PDCD1LG2: variants seen among roughly 807,000 people sequenced by gnomAD.
The protein encoded by PDCD1LG2 is programmed cell death 1 ligand 2, also known as B7 dendritic cell molecule.
In PDCD1LG2, 32 loss-of-function variants were observed where a neutral mutation model predicts 28.2. The observed-to-expected ratio is 1.13, with a 90% CI of 0.86 to 1.52. The LOEUF (loss-of-function observed/expected upper bound fraction) is 1.52. Ranked by LOEUF, PDCD1LG2 falls within the 40% of genes most tolerant of loss-of-function variation. PDCD1LG2 has a pLI of 0.00. For synonymous variants in PDCD1LG2, 116 were observed against 120.2 expected (o/e 0.97, Z 0.23); for missense variants, 385 against 323.8 (o/e 1.19, Z -1.45).
intron 2 of PDCD1LG2, among the ~76,000 whole-genome samples, chr9:5,526,016 T>C (rs564750451): frequency 1.6e-4 from 22 of 141,808 alleles, no homozygotes; most frequent in South Asian, 1.3e-3. Context: ...CACTGCACTC[T>C]AGCCTGGGCG....
At chr9:5,559,731 G>A (rs965362263) in intron 5 of PDCD1LG2, among the ~76,000 whole-genome samples, 11 of 152,208 alleles carry the variant, frequency 7.2e-5, no homozygotes, top group Non-Finnish European at 1.5e-4. Context: ...TGCTATAATA[G>A]GCTTTTAAAA....
chr9:5,522,688 G>A (rs2129727818), intron 2 of PDCD1LG2, 87 bp downstream of exon 2: 2 of 1,174,440 alleles, frequency 1.7e-6, no homozygotes, highest in African/African-American at 3.1e-5. Context: ...TGGCCCTCAG[G>A]CTGAGGGCTT....
intron 5 of PDCD1LG2, among the ~76,000 whole-genome samples, chr9:5,561,412 A>G (rs1333359413): frequency 6.6e-6 from 1 of 152,228 alleles, no homozygotes; most frequent in African/African-American, 2.4e-5. Flanking sequence ...AGTGAGGCTC[A>G]GAAAAGTTAT....
Position 5,522,491 on chromosome 9 carries a change from A to G in PDCD1LG2, c.-14-42A>G, listed in dbSNP as rs1329962512. 1.3e-5 allele frequency: 20 copies of G among 1,504,720 alleles called. No homozygotes were observed. In the East Asian group the frequency reaches 4.3e-4, roughly 33 times the overall value. The allele number at this position is 1,504,720 out of a possible 1,614,324, so 93.2% of individuals were successfully genotyped here. A position where few individuals can be genotyped will look rare whatever the true frequency, so the allele number is the denominator to read the frequency against. On this transcript the variant is annotated intron_variant, in intron 1 of 6. Transcript: ENST00000397747. ...GTGAACAAAGAACCAAAGACCCAGC[A>G]AAGTTTCACAAGGCCCTGAGACTTT...
chr9:5,532,694 G>A (rs558149320), intron 2 of PDCD1LG2, among the ~76,000 whole-genome samples: 60 of 152,318 alleles, frequency 3.9e-4, no homozygotes, highest in African/African-American at 1.3e-3. Context: ...TACTTATACT[G>A]TGAAATCTGA....
intron 3 of PDCD1LG2, among the ~76,000 whole-genome samples, chr9:5,535,870 T>C (rs1451733235): frequency 1.3e-5 from 2 of 152,208 alleles, no homozygotes; most frequent in Non-Finnish European, 2.9e-5. Context: ...TTGTTTGTTC[T>C]AGAAAAGGTG....
chr9:5,548,877 A>C (rs1816264813), intron 3 of PDCD1LG2, among the ~76,000 whole-genome samples: 1 of 152,238 alleles, frequency 6.6e-6, no homozygotes, highest in South Asian at 2.1e-4. Flanking sequence ...TACCAAATAA[A>C]GTGAGATAGT....
intron 2 of PDCD1LG2, among the ~76,000 whole-genome samples, chr9:5,527,050 T>A (rs889525637): frequency 6.6e-6 from 1 of 152,248 alleles, no homozygotes; most frequent in Non-Finnish European, 1.5e-5. Context: ...TCCTTACTTG[T>A]ATGCTCTTTG....
In PDCD1LG2 at chr9:5,522,608, A is replaced by G. The variant is rs369819616; in HGVS notation, c.55+7A>G. The G allele has an allele frequency of 6.2e-7, 1 of 1,613,042 alleles. No individual in the cohort carries two copies. The highest frequency in any genetic ancestry group is 8.5e-7 in the Non-Finnish European group (1 of 1,179,114). On this transcript the variant is annotated splice_region_variant and intron_variant, in intron 2 of 6. Coordinates refer to ENST00000397747, the MANE Select transcript of PDCD1LG2 (RefSeq NM_025239.4). ...CAGCTTCACCAGATAGCAGGTAAGA[A>G]AGGACAAAGGGAGAGGCTTAAGAAA...
intron 6 of PDCD1LG2, among the ~76,000 whole-genome samples, chr9:5,567,410 C>G (rs948966198): frequency 2.0e-5 from 3 of 152,324 alleles, no homozygotes; most frequent in East Asian, 1.9e-4. Flanking sequence ...TTGTATCTAA[C>G]TTTATCTGTG....
intron 4 of PDCD1LG2, among the ~76,000 whole-genome samples, chr9:5,554,478 G>C (rs1816397046): frequency 6.6e-6 from 1 of 152,226 alleles, no homozygotes; most frequent in South Asian, 2.1e-4. Flanking sequence ...AAATTGAGCT[G>C]TGGACTGCTG....
chr9:5,543,719 G>C (rs1820738121), intron 3 of PDCD1LG2, among the ~76,000 whole-genome samples: 1 of 152,078 alleles, frequency 6.6e-6, no homozygotes, highest in Admixed American at 6.5e-5. Context: ...TTTTCCCTTG[G>C]GGAAACAGAA....
rs184426180 is a variant in PDCD1LG2, at chr9:5,570,940, A to C, written c.*981A>C. ...CACTATGGAAATCCTGCAAGATCCC[A>C]CTACATATGTGTGGAGCAGAAGGGT... On this transcript the variant is annotated 3_prime_UTR_variant, in exon 7 of 7. Coordinates refer to ENST00000397747, the MANE Select transcript of PDCD1LG2 (RefSeq NM_025239.4). The C allele has an allele frequency of 3.8e-4, 88 of 232,846 alleles. No homozygotes were observed. In the East Asian group the frequency reaches 5.2e-3, roughly 14 times the overall value. The allele number at this position is 232,846 out of a possible 1,614,324, so 14.4% of individuals were successfully genotyped here. A position where few individuals can be genotyped will look rare whatever the true frequency, so the allele number is the denominator to read the frequency against.
intron 4 of PDCD1LG2, among the ~76,000 whole-genome samples, chr9:5,556,915 CTGA>C (rs1816453814): frequency 6.6e-6 from 1 of 152,204 alleles, no homozygotes; most frequent in Non-Finnish European, 1.5e-5. Flanking sequence ...AATTATTCTT[CTGA>C]TCCACCCTCT....
intron 2 of PDCD1LG2, among the ~76,000 whole-genome samples, chr9:5,523,982 G>A (rs977569008): frequency 4.6e-5 from 7 of 152,120 alleles, no homozygotes; most frequent in African/African-American, 1.7e-4. Flanking sequence ...TTTCTTCTAA[G>A]ATAATCAGCA....
chr9:5,533,481 T>C (rs1466075535), intron 2 of PDCD1LG2, among the ~76,000 whole-genome samples: 1 of 152,210 alleles, frequency 6.6e-6, no homozygotes, highest in Non-Finnish European at 1.5e-5. Context: ...AGCAGTGTTA[T>C]CAAATCCTAC....
chr9:5,525,343 TA>T (rs34153756), intron 2 of PDCD1LG2, among the ~76,000 whole-genome samples: 67,140 of 136,692 alleles, frequency 0.49, 16,964 homozygotes, highest in East Asian at 0.71. Flanking sequence ...AGATTCCATT[TA>T]AAAAAAAAAA....
intron 3 of PDCD1LG2, among the ~76,000 whole-genome samples, chr9:5,546,063 G>A (rs1246626648): frequency 1.3e-5 from 2 of 152,104 alleles, no homozygotes; most frequent in African/African-American, 4.8e-5. Flanking sequence ...AGACATTTCT[G>A]ATACTGCAAA....
At chr9:5,551,273 A>G (rs758409622) in intron 4 of PDCD1LG2, among the ~76,000 whole-genome samples, 1 of 152,182 alleles carries the variant, frequency 6.6e-6, no homozygotes, top group Non-Finnish European at 1.5e-5. Context: ...GGCTTTATAG[A>G]AAATTCACTA....
Sources: allele counts gnomAD v4.1 joint callset (sites outside exome capture counted in the v4.1 genomes callset), GRCh38; gene constraint gnomAD v4.1.1; transcripts MANE v1.5; gene names NCBI Gene and HGNC (gene_info 2026-07-23, HGNC 2026-07-21).